The following MMP16 variants were observed in gnomAD, a reference collection of about 807,000 sequenced individuals.
MMP16 encodes the protein matrix metallopeptidase 16.
A neutral mutation model predicts 67.8 loss-of-function variants in MMP16; 12 were observed. The observed-to-expected ratio is 0.18, with a 90% confidence interval of 0.11 to 0.29. MMP16 has a LOEUF of 0.29. Ranked by LOEUF, MMP16 falls within the 10% of genes least tolerant of loss-of-function variation. The pLI is 1.00. For synonymous variants in MMP16, 249 were observed against 255.9 expected, an observed-to-expected ratio of 0.97 and a Z score of 0.26; for missense variants, 475 against 765.7, an observed-to-expected ratio of 0.62 and a Z score of 4.48.
chr8:88,234,418 T>C (rs1410066993), intron 1 of MMP16, among the ~76,000 whole-genome samples: 2 of 152,212 alleles, frequency 1.3e-5, no homozygotes, highest in Non-Finnish European at 2.9e-5. Flanking sequence ...CAATTACTTT[T>C]CTTCCCCTCT....
chr8:88,056,408 T>G (rs1808333299), intron 7 of MMP16, 130 bp from the exon 8 acceptor site: 1 of 294,188 alleles, frequency 3.4e-6, no homozygotes, highest in African/African-American at 2.3e-5. Context: ...TATATTATAT[T>G]AAATACTTGA....
chr8:88,148,375 T>C (rs1808330360), intron 4 of MMP16, among the ~76,000 whole-genome samples: 1 of 152,252 alleles, frequency 6.6e-6, no homozygotes, highest in Non-Finnish European at 1.5e-5. Flanking sequence ...TTTCCTTCAG[T>C]GTTAGTGATC....
chr8:88,231,077 A>C (rs1178000059), intron 1 of MMP16, among the ~76,000 whole-genome samples: 2 of 152,212 alleles, frequency 1.3e-5, no homozygotes, highest in Non-Finnish European at 1.5e-5. Flanking sequence ...AGTGTCCAAT[A>C]TAAAGATGAA....
At chr8:88,310,512 T>G (rs940609571) in intron 1 of MMP16, among the ~76,000 whole-genome samples, 1 of 152,062 alleles carries the variant, frequency 6.6e-6, no homozygotes, top group South Asian at 2.1e-4. Context: ...AAATACCAGT[T>G]ACATTAGAAA....
chr8:88,244,140 G>C (rs184014374), intron 1 of MMP16, among the ~76,000 whole-genome samples: 1 of 152,036 alleles, frequency 6.6e-6, no homozygotes, highest in African/African-American at 2.4e-5. Context: ...AATCACAAAC[G>C]GTTCTTTGGC....
rs991742166 is a variant in MMP16 at position 88,036,521 on chromosome 8, T to A, written c.*4940A>T. 1 of 151,918 alleles carries A rather than the reference T, an allele frequency of 6.6e-6. No homozygotes were observed. The highest frequency in any genetic ancestry group is 2.4e-5 in the African/African-American group (1 of 41,416). The allele number at this position is 151,918 out of a possible 1,614,324, so 9.4% of individuals were successfully genotyped here. On this transcript the variant is annotated 3_prime_UTR_variant, in exon 10 of 10. Transcript: ENST00000286614. The stretch of plus-strand genomic sequence containing the variant: ...AAAATTCTAATTTTTAAGATATAAC[T>A]GTTAAAAATTTTCTGATGTAGTTAT...
intron 1 of MMP16, among the ~76,000 whole-genome samples, chr8:88,265,562 A>G (rs1437272413): frequency 1.3e-5 from 2 of 152,148 alleles, no homozygotes; most frequent in Non-Finnish European, 2.9e-5. Flanking sequence ...GTAGACTTGG[A>G]CAAGTTAGAG....
chr8:88,174,721 T>A (rs1563553742), intron 3 of MMP16, among the ~76,000 whole-genome samples: 1 of 151,990 alleles, frequency 6.6e-6, no homozygotes, highest in Non-Finnish European at 1.5e-5. Flanking sequence ...TTGTTCCACA[T>A]GCAGACTGCT....
intron 4 of MMP16, among the ~76,000 whole-genome samples, chr8:88,119,996 A>T (rs553728449): frequency 6.6e-6 from 1 of 152,002 alleles, no homozygotes; most frequent in Admixed American, 6.6e-5. Flanking sequence ...AAAAACCAAC[A>T]TTTTTTCTAC....
At chr8:88,228,567 CTTCT>C (rs1322060045) in intron 1 of MMP16, among the ~76,000 whole-genome samples, 1 of 151,946 alleles carries the variant, frequency 6.6e-6, no homozygotes, top group Non-Finnish European at 1.5e-5. Flanking sequence ...TGTGTAGCTC[CTTCT>C]AAGTGACATA....
At chr8:88,149,008 C>A (rs552353784) in intron 4 of MMP16, among the ~76,000 whole-genome samples, 4 of 152,144 alleles carry the variant, frequency 2.6e-5, no homozygotes, top group Admixed American at 2.6e-4. Context: ...GTGCGCGCAC[C>A]GGGCGCGAGC....
intron 1 of MMP16, among the ~76,000 whole-genome samples, chr8:88,220,334 A>G (rs1415601596): frequency 2.6e-5 from 4 of 152,112 alleles, no homozygotes; most frequent in Non-Finnish European, 5.9e-5. Context: ...TTTAAAAGAA[A>G]GTTTATCTTT....
chr8:88,302,134 C>T (rs968347009), intron 1 of MMP16, among the ~76,000 whole-genome samples: 2 of 152,146 alleles, frequency 1.3e-5, no homozygotes, highest in African/African-American at 2.4e-5. Flanking sequence ...ATACCCACAA[C>T]CAGGTTCCCA....
In MMP16 at chr8:88,037,708, C is replaced by G. The variant is rs1264466114; in HGVS notation, c.*3753G>C. 6.6e-6 allele frequency: 1 copy of G among 151,968 alleles called. No individual in the cohort carries two copies. Among genetic ancestry groups the G allele is most frequent in the Admixed American group, 6.6e-5 (1 of 15,218 alleles). The allele number at this position is 151,968 out of a possible 1,614,324, so 9.4% of individuals were successfully genotyped here. A position where few individuals can be genotyped will look rare whatever the true frequency, so the allele number is the denominator to read the frequency against. ...CGGAATTACTGCTTTACAGGAAATT[C>G]AAACTGATCAGCTATTTTAATACTT... On this transcript the variant is annotated 3_prime_UTR_variant, in exon 10 of 10. Transcript: ENST00000286614.
At chr8:88,241,565 G>T (rs1392960935) in intron 1 of MMP16, among the ~76,000 whole-genome samples, 1 of 152,020 alleles carries the variant, frequency 6.6e-6, no homozygotes, top group African/African-American at 2.4e-5. Context: ...TTGATGAATA[G>T]AAATTGGACA....
At chr8:88,090,404 C>A (rs1808913726) in intron 6 of MMP16, among the ~76,000 whole-genome samples, 1 of 151,704 alleles carries the variant, frequency 6.6e-6, no homozygotes, top group Non-Finnish European at 1.5e-5. Flanking sequence ...ATTATTCTTC[C>A]TGTGGAAAAT....
chr8:88,280,810 G>C (rs912192201), intron 1 of MMP16, among the ~76,000 whole-genome samples: 3 of 152,086 alleles, frequency 2.0e-5, no homozygotes, highest in Non-Finnish European at 4.4e-5. Context: ...GCTTGAGCTT[G>C]GGAGTTTCAG....
At chr8:88,203,855 T>C (rs1445252051) in intron 1 of MMP16, among the ~76,000 whole-genome samples, 2 of 152,348 alleles carry the variant, frequency 1.3e-5, no homozygotes, top group Non-Finnish European at 2.9e-5. Context: ...TGAAGACAAG[T>C]AGCTGCAAAT....
At chr8:88,059,053 G>T (rs897698650) in intron 7 of MMP16, among the ~76,000 whole-genome samples, 1 of 152,094 alleles carries the variant, frequency 6.6e-6, no homozygotes, top group Non-Finnish European at 1.5e-5. Flanking sequence ...TGAATGGGCT[G>T]TTGGAAGTTT....
Sources: gnomAD v4.1 joint callset for allele counts (sites outside exome capture counted in the v4.1 genomes callset) on GRCh38, gnomAD v4.1.1 for gene constraint, MANE v1.5 for transcripts, NCBI Gene and HGNC (gene_info 2026-07-23, HGNC 2026-07-21) for gene names.